The following SRBD1 variants were observed in gnomAD, a reference collection of about 807,000 sequenced individuals.
SRBD1 encodes the protein S1 RNA binding domain 1.
Under a neutral mutation model 115.3 loss-of-function variants are expected in SRBD1, and 88 were observed. The ratio of observed to expected loss-of-function variants is 0.76; its 90% CI spans 0.64 to 0.91. The LOEUF (loss-of-function observed/expected upper bound fraction) is 0.91, where lower values mean the gene tolerates loss of function less well. SRBD1 is among the 40% of genes least tolerant of loss of function. SRBD1 has a pLI of 0.00. For synonymous variants in SRBD1, 509 were observed against 407.7 expected, an observed-to-expected ratio of 1.25 and a Z score of -2.99; for missense variants, 1,385 against 1,177.4, an observed-to-expected ratio of 1.18 and a Z score of -2.58.
At chr2:45,582,037 A>G (rs1311502554) in intron 5 of SRBD1, among the ~76,000 whole-genome samples, 3 of 152,252 alleles carry the variant, frequency 2.0e-5, no homozygotes, top group African/African-American at 7.2e-5. Flanking sequence ...CAGGTAATTA[A>G]CACTAATATA....
chr2:45,419,173 T>C (rs919563672), intron 17 of SRBD1, among the ~76,000 whole-genome samples: 11 of 152,196 alleles, frequency 7.2e-5, no homozygotes, highest in Admixed American at 7.2e-4. Flanking sequence ...CAACTTAAAA[T>C]GTAAGGGACA....
chr2:45,497,999 G>A (rs1045033509), intron 14 of SRBD1, among the ~76,000 whole-genome samples: 30 of 152,148 alleles, frequency 2.0e-4, no homozygotes, highest in South Asian at 6.2e-4. Flanking sequence ...GTGAGATTCC[G>A]TCTCAAAAAA....
At chr2:45,439,491 A>T (rs1350868169) in intron 16 of SRBD1, among the ~76,000 whole-genome samples, 2 of 151,450 alleles carry the variant, frequency 1.3e-5, no homozygotes, top group Non-Finnish European at 2.9e-5. Context: ...ACTGTGTATT[A>T]TAATCCCTAG....
chr2:45,490,546 G>A (rs976325651), intron 14 of SRBD1, among the ~76,000 whole-genome samples: 1 of 152,122 alleles, frequency 6.6e-6, no homozygotes, highest in Non-Finnish European at 1.5e-5. Context: ...CTATTATTAA[G>A]AGAAAAGAAT....
At chr2:45,568,675 A>G (rs925264507) in intron 9 of SRBD1, among the ~76,000 whole-genome samples, 1 of 152,206 alleles carries the variant, frequency 6.6e-6, no homozygotes, top group African/African-American at 2.4e-5. Flanking sequence ...GCAGAGCCCA[A>G]TAAAATATTT....
intron 10 of SRBD1, 89 bp from the exon 11 acceptor site, chr2:45,553,819 GAA>G: frequency 1.3e-6 from 1 of 758,248 alleles, no homozygotes; most frequent in Non-Finnish European, 2.0e-6. Flanking sequence ...ATGGAATACA[GAA>G]GCGGGGAAAA....
chr2:45,557,435 AC>A (rs1217773129), intron 10 of SRBD1, among the ~76,000 whole-genome samples: 5 of 151,814 alleles, frequency 3.3e-5, no homozygotes, highest in African/African-American at 1.2e-4. Context: ...ACCCTCTCAA[AC>A]CCCCAGTAGT....
intron 16 of SRBD1, among the ~76,000 whole-genome samples, chr2:45,425,189 G>T (rs940734075): frequency 2.0e-5 from 3 of 146,632 alleles, no homozygotes; most frequent in Admixed American, 6.7e-5. Flanking sequence ...CCTTATTTAG[G>T]GGCTCAAAGT....
intron 16 of SRBD1, among the ~76,000 whole-genome samples, chr2:45,437,930 C>A (rs1668549062): frequency 6.6e-6 from 1 of 152,098 alleles, no homozygotes; most frequent in African/African-American, 2.4e-5. Context: ...AATTTAGTGT[C>A]TTTATGATAC....
intron 16 of SRBD1, among the ~76,000 whole-genome samples, chr2:45,432,150 C>A (rs747454657): frequency 8.5e-5 from 13 of 152,230 alleles, no homozygotes; most frequent in Middle Eastern, 3.4e-3. Context: ...CCGCCTCAGC[C>A]TCCTGAGTAG....
intron 14 of SRBD1, among the ~76,000 whole-genome samples, chr2:45,503,143 T>C (rs115443895): frequency 7.2e-4 from 110 of 152,328 alleles, no homozygotes; most frequent in African/African-American, 2.6e-3. Context: ...TTTCATAGCA[T>C]CTACTTTTCT....
At chr2:45,402,404 A>G (rs964858330) in intron 19 of SRBD1, among the ~76,000 whole-genome samples, 2 of 152,146 alleles carry the variant, frequency 1.3e-5, no homozygotes, top group Admixed American at 1.3e-4. Context: ...ACTTTTCAAC[A>G]TTGATTGTAA....
chr2:45,540,935 T>C (rs1032603579), intron 14 of SRBD1, among the ~76,000 whole-genome samples: 1 of 152,140 alleles, frequency 6.6e-6, no homozygotes, highest in Non-Finnish European at 1.5e-5. Context: ...ATCCTTAGGG[T>C]GTCACTTTTC....
chr2:45,548,465 A>G (rs36021436), intron 12 of SRBD1, among the ~76,000 whole-genome samples: 17,350 of 152,082 alleles, frequency 0.11, 1,137 homozygotes, highest in East Asian at 0.21. Flanking sequence ...TAAATTATGA[A>G]AACAGATAAT....
chr2:45,545,711 A>C (rs1389786490), intron 14 of SRBD1, among the ~76,000 whole-genome samples: 1 of 152,312 alleles, frequency 6.6e-6, no homozygotes, highest in South Asian at 2.1e-4. Flanking sequence ...TGGATGTTTC[A>C]ATCTGTTTCC....
intron 12 of SRBD1, 111 bp from the exon 13 acceptor site, chr2:45,547,723 A>G: frequency 7.3e-6 from 6 of 816,956 alleles, no homozygotes; most frequent in Non-Finnish European, 7.7e-6. Context: ...TGTTTTTTAT[A>G]ATGAAGTCTG....
chr2:45,400,567 T>A (rs562864099), intron 19 of SRBD1, among the ~76,000 whole-genome samples: 1 of 152,218 alleles, frequency 6.6e-6, no homozygotes, highest in Admixed American at 6.5e-5. Context: ...CCAGATCACA[T>A]GAAAAAACAA....
chr2:45,470,169 C>G (rs35993490), intron 16 of SRBD1, among the ~76,000 whole-genome samples: 7 of 152,132 alleles, frequency 4.6e-5, no homozygotes, highest in Non-Finnish European at 4.4e-5. Context: ...TTATTTAGAC[C>G]TAAACTAAAA....
intron 14 of SRBD1, among the ~76,000 whole-genome samples, chr2:45,538,840 C>G (rs900499755): frequency 2.6e-5 from 4 of 151,990 alleles, no homozygotes; most frequent in Non-Finnish European, 5.9e-5. Context: ...TGAGTAATGA[C>G]AGTACCAATA....
Sources: gnomAD v4.1 joint callset for allele counts (sites outside exome capture counted in the v4.1 genomes callset) on GRCh38, gnomAD v4.1.1 for gene constraint, MANE v1.5 for transcripts, NCBI Gene and HGNC (gene_info 2026-07-23, HGNC 2026-07-21) for gene names.